Variants in RNF111 observed in about 807,000 individuals in gnomAD.
The protein encoded by RNF111 is ring finger protein 111.
Under a neutral mutation model 95.1 loss-of-function variants are expected in RNF111, and 17 were observed. The ratio of observed to expected loss-of-function variants is 0.18; its 90% CI spans 0.12 to 0.27. RNF111 has a LOEUF of 0.27. RNF111 is among the 10% of genes least tolerant of loss of function. The pLI is 1.00. For missense variants in RNF111, 1,189 were observed against 1,210.4 expected (o/e 0.98, Z 0.26); for synonymous variants, 440 against 414.8 (o/e 1.06, Z -0.74).
Position 59,031,362 on chromosome 15 carries a change from G to A in RNF111, c.540G>A (p.Arg180=), listed in dbSNP as rs143779952. The A allele has an allele frequency of 6.0e-5, 97 of 1,614,172 alleles. 1 individual carries two copies. The Admixed American group carries it at 1.4e-3, about 24-fold the overall frequency. ...LNAKSRSHSA[R]SHKWPRTETE... is the part of the protein sequence containing the mutation. The stretch of plus-strand genomic sequence containing the variant: ...CTAAAAGTAGAAGCCATAGTGCACG[G>A]TCTCATAAGTGGCCTCGGACTGAGA... The change falls in exon 2 of 14, where the codon CGG becomes CGA. Residue 180 remains arginine, a synonymous_variant. Coordinates refer to ENST00000348370, the MANE Select transcript of RNF111 (RefSeq NM_017610.8).
intron 6 of RNF111, 96 bp downstream of exon 6, chr15:59,067,179 T>C: frequency 9.5e-7 from 1 of 1,050,678 alleles, no homozygotes; most frequent in South Asian, 1.5e-5. Context: ...CCTTCATTCC[T>C]GTCTCTCTCC....
chr15:59,019,105 A>ATTTTTTTTTTTTTTTTTTTTTTTTTTTTT (rs35154303), intron 1 of RNF111, among the ~76,000 whole-genome samples: 1 of 121,286 alleles, frequency 8.2e-6, no homozygotes, highest in African/African-American at 3.1e-5. Context: ...GTATTTTTGT[A>ATTTTTTTTTTTTTTTTTTTTTTTTTTTTT]TTTTTTTTTT....
intron 2 of RNF111, among the ~76,000 whole-genome samples, chr15:59,044,536 T>C (rs1399191720): frequency 2.6e-5 from 4 of 152,178 alleles, no homozygotes; most frequent in African/African-American, 7.2e-5. Flanking sequence ...GTTGTACTAC[T>C]CATATTCTTT....
Position 59,089,803 on chromosome 15 carries a change from A to T in RNF111, c.2643+44A>T, listed in dbSNP as rs777038339. ...GAATATGTTTGTCACAGTATCTTTA[A>T]TGCAGATTGAGTATATATATACTAC... is the stretch of plus-strand genomic sequence containing the variant. On this transcript the variant is annotated intron_variant, in intron 11 of 13. Transcript: ENST00000348370. 14 of 1,319,042 alleles carry T rather than the reference A, an allele frequency of 1.1e-5. No homozygotes were observed. The South Asian group carries it at 1.6e-4, about 15-fold the overall frequency. 81.7% of individuals were successfully genotyped at this position (1,319,042 alleles called of 1,614,324 possible).
intron 3 of RNF111, among the ~76,000 whole-genome samples, chr15:59,053,815 T>C (rs1469410025): frequency 6.6e-6 from 1 of 152,216 alleles, no homozygotes; most frequent in Admixed American, 6.5e-5. Context: ...CCTGAGTTAA[T>C]AGGCAGTGAT....
At chr15:59,092,696 T>C in intron 13 of RNF111, 56 bp downstream of exon 13, 1 of 1,498,040 alleles carries the variant, frequency 6.7e-7, no homozygotes, top group South Asian at 1.3e-5. Flanking sequence ...TGGGATTTTA[T>C]TTGAAAAGTA....
At chr15:59,083,850 AG>A in intron 8 of RNF111, 1 of 183,442 alleles carries the variant, frequency 5.5e-6, no homozygotes, top group Non-Finnish European at 1.1e-5. Context: ...CTTGTAAAGA[AG>A]GTGTACAAGA....
At chr15:59,092,093 A>G (rs1452050313) in intron 12 of RNF111, among the ~76,000 whole-genome samples, 3 of 152,156 alleles carry the variant, frequency 2.0e-5, no homozygotes, top group Admixed American at 6.5e-5. Flanking sequence ...TTTTTCATCT[A>G]TTTTCAAAGA....
At chr15:59,039,984 G>A (rs1291002259) in intron 2 of RNF111, among the ~76,000 whole-genome samples, 1 of 152,068 alleles carries the variant, frequency 6.6e-6, no homozygotes, top group Non-Finnish European at 1.5e-5. Flanking sequence ...TCAAGTGCTG[G>A]GATTACAGGT....
At position 59,083,982 on chromosome 15, in the gene RNF111, G is replaced by A. The variant is rs924812249; in HGVS notation, c.2298-147G>A. On this transcript the variant is annotated intron_variant, in intron 8 of 13. Coordinates refer to ENST00000348370, the MANE Select transcript of RNF111 (RefSeq NM_017610.8). ...GATTTATTAACAAATAATTTTATAT[G>A]TTTTTATAATTTATTATAAAATTTA... 31 of 549,048 alleles carry A rather than the reference G, an allele frequency of 5.6e-5. No individual in the cohort carries two copies. The Middle Eastern group carries it at 2.4e-3, about 42-fold the overall frequency. The allele number at this position is 549,048 out of a possible 1,614,324, so 34.0% of individuals were successfully genotyped here. A position where few individuals can be genotyped will look rare whatever the true frequency, so the allele number is the denominator to read the frequency against.
At position 59,066,798 on chromosome 15, in the gene RNF111, G is replaced by A. The variant is rs765959043; in HGVS notation, c.1401G>A (p.Thr467=). 14 of 1,613,624 alleles carry A rather than the reference G, an allele frequency of 8.7e-6. No individual in the cohort carries two copies. The African/African-American group carries it at 9.4e-5, about 11-fold the overall frequency. ...DSRRTTSSAV[T]ETGPPAMPRL... ...GGAGAACTACATCTAGTGCTGTAAC[G>A]GAAACTGGCCCTCCTGCAATGCCAA... The change falls in exon 6 of 14, where the codon ACG becomes ACA. Residue 467 remains threonine (T), a synonymous_variant. Coordinates refer to ENST00000348370, the MANE Select transcript of RNF111 (RefSeq NM_017610.8).
Position 59,052,337 on chromosome 15 carries a change from G to A in RNF111, c.913G>A (p.Ala305Thr). The change falls in exon 3 of 14, where the codon GCT (alanine) becomes ACT (threonine). Residue 305 changes from alanine to threonine, a missense_variant. Physicochemically the swap from Ala to Thr is moderately conservative, Grantham distance 58. Transcript: ENST00000348370. ...TGATGAAGATGTTGTGGTGATAGAAGCTTCCTCCACTCCCCAGGTTACTGC... is the reference window on the plus strand; with the variant it reads ...TGATGAAGATGTTGTGGTGATAGAAACTTCCTCCACTCCCCAGGTTACTGC... ...SIDEDVVVIEASSTPQVTANE... is the reference protein window; with the variant it reads ...SIDEDVVVIETSSTPQVTANE... 1.2e-6 allele frequency: 2 copies of A among 1,601,552 alleles called. No individual in the cohort carries two copies. Among genetic ancestry groups the A allele is most frequent in the Non-Finnish European group, 1.7e-6 (2 of 1,174,920 alleles).
intron 7 of RNF111, among the ~76,000 whole-genome samples, chr15:59,077,447 CTG>C (rs1211935325): frequency 6.6e-6 from 1 of 152,190 alleles, no homozygotes; most frequent in Non-Finnish European, 1.5e-5. Context: ...GAGGTAGTAA[CTG>C]TTCTATAAAA....
chr15:59,000,657 C>G (rs187981173), intron 1 of RNF111, among the ~76,000 whole-genome samples: 1 of 148,978 alleles, frequency 6.7e-6, no homozygotes, highest in Admixed American at 6.8e-5. Flanking sequence ...TTCAGTGAGC[C>G]AAGATGGCAC....
intron 1 of RNF111, among the ~76,000 whole-genome samples, chr15:58,991,613 T>G (rs191910329): frequency 6.6e-6 from 1 of 152,290 alleles, no homozygotes; most frequent in African/African-American, 2.4e-5. Flanking sequence ...GACCTGTGAC[T>G]TCAATGACTA....
chr15:59,009,239 G>A (rs1330612638), intron 1 of RNF111, among the ~76,000 whole-genome samples: 2 of 152,088 alleles, frequency 1.3e-5, no homozygotes, highest in Non-Finnish European at 2.9e-5. Flanking sequence ...GATTACAGGC[G>A]TGAGCCACTG....
At chr15:59,054,603 A>G (rs1392851037) in intron 3 of RNF111, among the ~76,000 whole-genome samples, 1 of 151,790 alleles carries the variant, frequency 6.6e-6, no homozygotes, top group African/African-American at 2.4e-5. Flanking sequence ...GTACTATCCT[A>G]TGTTGACAGT....
At chr15:59,085,935 A>G in intron 10 of RNF111, 150 bp downstream of exon 10, 1 of 700,120 alleles carries the variant, frequency 1.4e-6, no homozygotes, top group Non-Finnish European at 2.3e-6. Flanking sequence ...AAAAGGTATT[A>G]GATGTATTAA....
chr15:59,008,868 G>A (rs757120601), intron 1 of RNF111, among the ~76,000 whole-genome samples: 1 of 152,108 alleles, frequency 6.6e-6, no homozygotes, highest in Non-Finnish European at 1.5e-5. Context: ...AATAATAGAC[G>A]GTTGTATGTA....
Sources: allele counts gnomAD v4.1 joint callset (sites outside exome capture counted in the v4.1 genomes callset), GRCh38; gene constraint gnomAD v4.1.1; transcripts MANE v1.5; gene names NCBI Gene and HGNC (gene_info 2026-07-23, HGNC 2026-07-21).